The following PREX2 variants were observed in gnomAD, a reference collection of about 807,000 sequenced individuals.
The protein encoded by PREX2 is phosphatidylinositol-3,4,5-trisphosphate dependent Rac exchange factor 2.
PREX2 carries 107 observed loss-of-function variants against 203.2 expected under a neutral mutation model. That is an observed-to-expected ratio of 0.53 (90% CI 0.45 to 0.62). The LOEUF (loss-of-function observed/expected upper bound fraction) is 0.62, where lower values mean the gene tolerates loss of function less well. PREX2 is among the 20% of genes least tolerant of loss of function. The probability of loss-of-function intolerance (pLI) is 0.00; values close to 1 mark genes in which losing one functional copy is unlikely to be tolerated. For missense variants in PREX2, 1,777 were observed against 1,955.9 expected (o/e 0.91, Z 1.72); for synonymous variants, 672 against 663.6 (o/e 1.01, Z -0.19).
chr8:67,973,265 A>G (rs1805978280), intron 1 of PREX2, among the ~76,000 whole-genome samples: 1 of 152,130 alleles, frequency 6.6e-6, no homozygotes, highest in African/African-American at 2.4e-5. Context: ...ATTTCATTTT[A>G]TCATAAACTT....
intron 1 of PREX2, among the ~76,000 whole-genome samples, chr8:67,970,143 A>T (rs1383634495): frequency 6.6e-6 from 1 of 152,128 alleles, no homozygotes; most frequent in Non-Finnish European, 1.5e-5. Flanking sequence ...TGTTTTGTTT[A>T]TTGACCTGAT....
intron 1 of PREX2, among the ~76,000 whole-genome samples, chr8:68,010,008 G>A (rs550694141): frequency 4.6e-5 from 7 of 152,286 alleles, no homozygotes; most frequent in African/African-American, 1.4e-4. Flanking sequence ...AACTTCACTT[G>A]CATTGTTCCA....
chr8:68,186,775 G>A (rs1410489011), intron 35 of PREX2, among the ~76,000 whole-genome samples: 1 of 152,302 alleles, frequency 6.6e-6, no homozygotes, highest in East Asian at 1.9e-4. Context: ...GCCTCCCAAA[G>A]TGCTGGGATT....
intron 23 of PREX2, chr8:68,105,138 G>T (rs752334823): frequency 1.5e-6 from 2 of 1,367,634 alleles, no homozygotes; most frequent in Admixed American, 3.8e-5. Context: ...CATATTTTAG[G>T]TTCAAGCTTC....
intron 31 of PREX2, among the ~76,000 whole-genome samples, chr8:68,128,612 GTC>G (rs1810942937): frequency 6.6e-6 from 1 of 152,110 alleles, no homozygotes. Flanking sequence ...TGGACTGCCT[GTC>G]TCTCATCATC....
chr8:68,120,588 A>G (rs1402300867), intron 29 of PREX2, among the ~76,000 whole-genome samples: 1 of 152,150 alleles, frequency 6.6e-6, no homozygotes, highest in Non-Finnish European at 1.5e-5. Context: ...ACCAAGCGTA[A>G]TGTCTTCTTG....
At chr8:67,959,342 C>T (rs997871047) in intron 1 of PREX2, among the ~76,000 whole-genome samples, 2 of 152,030 alleles carry the variant, frequency 1.3e-5, no homozygotes, top group African/African-American at 4.8e-5. Flanking sequence ...GAGCAAAAGC[C>T]AGACTGTCAG....
At chr8:68,071,481 A>G (rs1809193431) in intron 13 of PREX2, among the ~76,000 whole-genome samples, 1 of 152,202 alleles carries the variant, frequency 6.6e-6, no homozygotes, top group South Asian at 2.1e-4. Context: ...ATAGCTAGTA[A>G]TTATTAGTCA....
At position 68,022,044 on chromosome 8, in the gene PREX2, G is replaced by A. The variant is rs1356787610; in HGVS notation, c.345G>A (p.Lys115=). The A allele has an allele frequency of 2.0e-6, 3 of 1,463,826 alleles. No individual in the cohort carries two copies. Among genetic ancestry groups the A allele is most frequent in the South Asian group, 1.1e-5 (1 of 87,524 alleles). 90.7% of individuals were successfully genotyped at this position (1,463,826 alleles called of 1,614,324 possible). Reference sequence around the variant, plus strand: ...CTTACATGAATTCACAGAAAGACAAGTTTCGTATCTATGATGAATATTGTA... The same window carrying A: ...CTTACATGAATTCACAGAAAGACAAATTTCGTATCTATGATGAATATTGTA... ...VGTCFLHFKD[K]FRIYDEYCSN... The change falls in exon 4 of 40, where the codon AAG becomes AAA. Residue 115 remains lysine, a synonymous_variant. Transcript: ENST00000288368.
chr8:68,036,553 C>T (rs2129610666), intron 6 of PREX2, among the ~76,000 whole-genome samples: 1 of 152,156 alleles, frequency 6.6e-6, no homozygotes, highest in South Asian at 2.1e-4. Context: ...AAATTAATAC[C>T]ACTTTGCTTA....
chr8:68,136,104 T>C (rs373574647), intron 32 of PREX2, among the ~76,000 whole-genome samples: 127 of 152,256 alleles, frequency 8.3e-4, no homozygotes, highest in African/African-American at 3.0e-3. Context: ...GTGAATACTA[T>C]TGGGTATTGG....
At chr8:67,979,487 T>G (rs1225209260) in intron 1 of PREX2, among the ~76,000 whole-genome samples, 1 of 152,218 alleles carries the variant, frequency 6.6e-6, no homozygotes, top group African/African-American at 2.4e-5. Flanking sequence ...CTTACTTAAA[T>G]GCCAATATCA....
rs1325700010 is a variant in PREX2 at position 67,952,407 on chromosome 8, A to G, written c.13A>G (p.Ser5Gly). The change falls in exon 1 of 40, where the codon AGC (serine) becomes GGC (glycine). Residue 5 changes from serine (S) to glycine (G), a missense_variant. Transcript: ENST00000288368. The part of the protein sequence containing the change: MSED[S>G]RGDSRAESAK... The stretch of plus-strand genomic sequence containing the variant: ...ACCGCCGCCGACCATGAGCGAGGAC[A>G]GCCGCGGAGACAGCCGCGCCGAGAG... 1.9e-6 allele frequency: 3 copies of G among 1,559,286 alleles called. No individual in the cohort carries two copies. The highest frequency in any genetic ancestry group is 2.6e-6 in the Non-Finnish European group (3 of 1,153,714).
chr8:68,137,576 C>T (rs1223327998), intron 32 of PREX2, among the ~76,000 whole-genome samples: 1 of 152,010 alleles, frequency 6.6e-6, no homozygotes, highest in Non-Finnish European at 1.5e-5. Context: ...TGACCATTGA[C>T]ATTCTTAAGG....
intron 1 of PREX2, among the ~76,000 whole-genome samples, chr8:67,956,148 C>T (rs1180403420): frequency 6.6e-6 from 1 of 152,144 alleles, no homozygotes; most frequent in Non-Finnish European, 1.5e-5. Context: ...AAATTTTGTG[C>T]TTTATTAAAA....
At chr8:67,976,306 A>G (rs147549347) in intron 1 of PREX2, among the ~76,000 whole-genome samples, 1 of 152,302 alleles carries the variant, frequency 6.6e-6, no homozygotes, top group Non-Finnish European at 1.5e-5. Flanking sequence ...AAGCAGTGCC[A>G]CTATTCTGAG....
intron 1 of PREX2, among the ~76,000 whole-genome samples, chr8:68,001,205 G>T (rs1412855588): frequency 2.6e-5 from 4 of 152,102 alleles, no homozygotes; most frequent in African/African-American, 9.7e-5. Flanking sequence ...TCTGGCAAAG[G>T]TCTAATATCC....
At position 67,957,495 on chromosome 8, in the gene PREX2, A is replaced by T. The variant is rs73254073; in HGVS notation, c.141+4960A>T. Among the ~76,000 whole-genome samples, 1,102 of 152,290 alleles carry T rather than the reference A, an allele frequency of 7.2e-3. 18 individuals carry two copies. Among genetic ancestry groups the T allele is most frequent in the African/African-American group, 0.025 (1,026 of 41,550 alleles). On this transcript the variant is annotated intron_variant, in intron 1 of 39. Transcript: ENST00000288368. ...ACCCTGGCTTCTCTGTGCATGGCTC[A>T]ACCTTTCTCAGATTTGAGCTTTCGT...
chr8:68,208,521 CTT>C (rs1402874607), intron 37 of PREX2, among the ~76,000 whole-genome samples: 1 of 151,982 alleles, frequency 6.6e-6, no homozygotes, highest in African/African-American at 2.4e-5. Flanking sequence ...TAACTTCTCT[CTT>C]ATCAGGTTCA....
Sources: allele counts gnomAD v4.1 joint callset (sites outside exome capture counted in the v4.1 genomes callset), GRCh38; gene constraint gnomAD v4.1.1; transcripts MANE v1.5; gene names NCBI Gene and HGNC (gene_info 2026-07-23, HGNC 2026-07-21).